Variants in OSBPL10 observed in about 807,000 individuals in gnomAD.
OSBPL10 encodes oxysterol-binding protein-related protein 10.
Under a neutral mutation model 81.7 loss-of-function variants are expected in OSBPL10, and 49 were observed. The observed-to-expected ratio is 0.60, with a 90% confidence interval of 0.48 to 0.76. The LOEUF (loss-of-function observed/expected upper bound fraction) is 0.76. Among genes scored for constraint, OSBPL10 ranks in the 30% least tolerant of loss-of-function variants. OSBPL10 has a pLI of 0.00. For missense variants in OSBPL10, 923 were observed against 987.8 expected (o/e 0.93, Z 0.88); for synonymous variants, 419 against 383.6 (o/e 1.09, Z -1.08).
At chr3:31,966,372 A>C (rs1698403447) in intron 1 of OSBPL10, among the ~76,000 whole-genome samples, 1 of 151,866 alleles carries the variant, frequency 6.6e-6, no homozygotes, top group Admixed American at 6.6e-5. Flanking sequence ...ATGATAATTT[A>C]ATAATTTAAG....
rs974509311 is a variant in OSBPL10, at chr3:31,738,909, A to C, written c.941-5498T>G. On this transcript the variant is annotated intron_variant, in intron 5 of 11. Coordinates refer to ENST00000396556, the MANE Select transcript of OSBPL10 (RefSeq NM_017784.5). ...CAAGAAATGGGGATGTCATATACAT[A>C]TATATTAAAAAAAAAACTGGTAGTA... 2.2e-4 allele frequency among the ~76,000 whole-genome samples: 33 copies of C among 152,104 alleles called. 1 individual carries two copies. The highest frequency in any genetic ancestry group is 8.0e-4 in the African/African-American group (33 of 41,428).
In OSBPL10 at chr3:32,065,232, C is replaced by T. The variant is rs572615641; in HGVS notation, n.185+12164G>A. ...CTTGAAGAGTCTTTTACCAAAAAGG[C>T]GGTTCATTGTTTTGGCAACTTAGCA... On this transcript the variant is annotated intron_variant and non_coding_transcript_variant, in intron 1 of 3. Coordinates refer to the OSBPL10 transcript ENST00000479173. 13 of 93,020 alleles carry T rather than the reference C, an allele frequency of 1.4e-4. 5 individuals carry two copies. The highest frequency in any genetic ancestry group is 8.4e-4 in the South Asian group (2 of 2,374). The allele number at this position is 93,020 out of a possible 1,614,324, so 5.8% of individuals were successfully genotyped here.
intron 4 of OSBPL10, among the ~76,000 whole-genome samples, chr3:31,811,207 G>T (rs1699669962): frequency 6.6e-6 from 1 of 152,118 alleles, no homozygotes; most frequent in South Asian, 2.1e-4. Context: ...GGGATGCTGG[G>T]GGTGGGCAAG....
intron 3 of OSBPL10, among the ~76,000 whole-genome samples, chr3:31,848,932 C>T (rs1464963317): frequency 6.6e-6 from 1 of 152,222 alleles, no homozygotes; most frequent in Non-Finnish European, 1.5e-5. Flanking sequence ...CCTTTCATTA[C>T]TTAGCAAAAA....
chr3:31,912,763 C>T (rs1559515353), intron 1 of OSBPL10, among the ~76,000 whole-genome samples: 1 of 152,110 alleles, frequency 6.6e-6, no homozygotes, highest in Non-Finnish European at 1.5e-5. Flanking sequence ...GATACACTAC[C>T]CAGCAGCTCT....
intron 4 of OSBPL10, among the ~76,000 whole-genome samples, chr3:31,765,282 C>T (rs1649457823): frequency 6.6e-6 from 1 of 152,054 alleles, no homozygotes; most frequent in Admixed American, 6.6e-5. Context: ...GTGATCTGCC[C>T]ACCTCAGCCT....
chr3:31,732,396 G>T (rs1184842725), intron 6 of OSBPL10, among the ~76,000 whole-genome samples: 1 of 152,152 alleles, frequency 6.6e-6, no homozygotes, highest in East Asian at 1.9e-4. Context: ...CTGCCTTGGG[G>T]CTTTCAACCT....
In OSBPL10 at chr3:31,963,901, G is replaced by A. The variant is rs187563902; in HGVS notation, c.281+16998C>T. Among the ~76,000 whole-genome samples, 176 of 151,820 alleles carry A rather than the reference G, an allele frequency of 1.2e-3. 1 individual carries two copies. Among genetic ancestry groups the A allele is most frequent in the African/African-American group, 3.8e-3 (159 of 41,348 alleles). ...CCATCCTCCCACCTCAGCCTCCCGAGTAGCTGGGACTAATGACATGCATGA... is the reference window on the plus strand; with the variant it reads ...CCATCCTCCCACCTCAGCCTCCCGAATAGCTGGGACTAATGACATGCATGA... On this transcript the variant is annotated intron_variant, in intron 1 of 11. Coordinates refer to ENST00000396556, the MANE Select transcript of OSBPL10 (RefSeq NM_017784.5).
At position 31,664,157 on chromosome 3, in the gene OSBPL10, C is replaced by T. The variant is rs2305610; in HGVS notation, c.2172G>A (p.Leu724=). Residue 724 remains leucine (L), a synonymous_variant, in exon 11 of 12, where the codon CTG becomes CTA. Transcript: ENST00000396556. The part of the protein sequence containing the change: ...IDAATEQKRH[L]EEKQRVEERK... Reference sequence around the variant, plus strand: ...GTTCCTCCACCCGTTGCTTCTCCTCCAGGTGCCGCTTCTGCTCGGTGGCTG... The same window carrying T: ...GTTCCTCCACCCGTTGCTTCTCCTCTAGGTGCCGCTTCTGCTCGGTGGCTG... The T allele has an allele frequency of 0.05, 80,853 of 1,613,664 alleles. 3,596 individuals are homozygous for T. Among genetic ancestry groups the T allele is most frequent in the East Asian group, 0.29 (13,144 of 44,804 alleles).
chr3:31,885,755 G>C (rs1695715989), intron 1 of OSBPL10, among the ~76,000 whole-genome samples: 1 of 151,130 alleles, frequency 6.6e-6, no homozygotes, highest in African/African-American at 2.4e-5. Flanking sequence ...GTCTGAGATG[G>C]GTGCATCACC....
intron 1 of OSBPL10, among the ~76,000 whole-genome samples, chr3:32,067,668 G>A (rs907033608): frequency 1.3e-5 from 2 of 152,086 alleles, no homozygotes; most frequent in East Asian, 1.9e-4. Context: ...GAAGGTTCTT[G>A]TAATCTCCCC....
In OSBPL10 at chr3:31,683,826, G is replaced by A. The variant is rs1700721245; in HGVS notation, c.1534C>T (p.His512Tyr). 1 of 1,614,112 alleles carries A rather than the reference G, an allele frequency of 6.2e-7. No homozygotes were observed. Among genetic ancestry groups the A allele is most frequent in the Admixed American group, 1.7e-5 (1 of 60,014 alleles). The change falls in exon 8 of 12, where the codon CAC becomes TAC. Residue 512 changes from histidine (H) to tyrosine (Y), a missense_variant. His to Tyr is a moderately conservative substitution (Grantham distance 83). Coordinates refer to ENST00000396556, the MANE Select transcript of OSBPL10 (RefSeq NM_017784.5). ...RTASRSPASC[H>Y]EHPMADDPSK... ...GGGTCATCGGCCATTGGGTGTTCGT[G>A]ACAGCTGGCAGGAGAGCGGGAAGCA...
At chr3:31,995,270 G>T (rs1444959719) in intron 2 of OSBPL10, among the ~76,000 whole-genome samples, 1 of 152,106 alleles carries the variant, frequency 6.6e-6, no homozygotes. Flanking sequence ...GGAGACCAGG[G>T]CGTATCTCAG....
chr3:31,717,216 C>A (rs1696470042), intron 6 of OSBPL10: 1 of 152,118 alleles, frequency 6.6e-6, no homozygotes, highest in South Asian at 2.1e-4. Context: ...TCAATACATA[C>A]AGGGTAGCAG....
At chr3:32,072,900 A>G (rs1188655356) in intron 1 of OSBPL10, among the ~76,000 whole-genome samples, 1 of 152,120 alleles carries the variant, frequency 6.6e-6, no homozygotes, top group Non-Finnish European at 1.5e-5. Flanking sequence ...TCCCACCTCT[A>G]TACAGTCTGA....
chr3:31,895,157 G>A (rs1381559420), intron 1 of OSBPL10, among the ~76,000 whole-genome samples: 2 of 112,702 alleles, frequency 1.8e-5, no homozygotes, highest in South Asian at 3.1e-4. Context: ...TTTTTTAGAC[G>A]GAGTCTCACT....
intron 1 of OSBPL10, among the ~76,000 whole-genome samples, chr3:32,073,821 TC>T (rs1175467675): frequency 5.3e-5 from 8 of 152,096 alleles, no homozygotes; most frequent in Non-Finnish European, 1.0e-4. Context: ...CCTGGTGCTA[TC>T]CCCAAACCGC....
At position 31,930,003 on chromosome 3, in the gene OSBPL10, C is replaced by CAAACAAAAAAAAAAAA. The variant is rs1306473764; in HGVS notation, c.282-50174_282-50173insTTTTTTTTTTTTGTTT. On this transcript the variant is annotated intron_variant, in intron 1 of 11. Coordinates refer to ENST00000396556, the MANE Select transcript of OSBPL10 (RefSeq NM_017784.5). ...GATCAAGTGAGACCCTGTCACCAAC[C>CAAACAAAAAAAAAAAA]AAAAAAAAAAAAAAAAAAAAAAACA... is the stretch of plus-strand genomic sequence containing the variant. Among the ~76,000 whole-genome samples the CAAACAAAAAAAAAAAA allele has an allele frequency of 2.8e-5, 2 of 72,574 alleles. 1 individual carries two copies. 47.6% of individuals were successfully genotyped at this position (72,574 alleles called of 152,430 possible).
chr3:31,946,417 AC>A (rs1310008365), intron 1 of OSBPL10, among the ~76,000 whole-genome samples: 7 of 142,530 alleles, frequency 4.9e-5, no homozygotes, highest in East Asian at 4.0e-4. Context: ...AAAAAAAAAA[AC>A]CCTTGTATTA....
Sources: gnomAD v4.1 joint callset for allele counts (sites outside exome capture counted in the v4.1 genomes callset) on GRCh38, gnomAD v4.1.1 for gene constraint, MANE v1.5 for transcripts, NCBI Gene and HGNC (gene_info 2026-07-23, HGNC 2026-07-21) for gene names.